The following LSAMP variants were observed in gnomAD, a reference collection of about 807,000 sequenced individuals.
LSAMP encodes the protein limbic system-associated membrane protein.
Under a neutral mutation model 38.6 loss-of-function variants are expected in LSAMP, and 7 were observed. That is an observed-to-expected ratio of 0.18 (90% confidence interval 0.10 to 0.34). The LOEUF is 0.34. LSAMP is among the 10% of genes least tolerant of loss of function. The pLI, the probability that LSAMP is intolerant of heterozygous loss-of-function variation, is 1.00. For missense variants in LSAMP, 313 were observed against 420.0 expected (o/e 0.75, Z 2.23); for synonymous variants, 154 against 166.8 (o/e 0.92, Z 0.59).
intron 3 of LSAMP, among the ~76,000 whole-genome samples, chr3:115,897,111 C>G (rs1044105244): frequency 6.6e-6 from 1 of 152,092 alleles, no homozygotes; most frequent in Non-Finnish European, 1.5e-5. Flanking sequence ...GTGACCCTTA[C>G]CAGAGAATCT....
At chr3:115,951,995 C>T (rs930489061) in intron 3 of LSAMP, among the ~76,000 whole-genome samples, 3 of 152,066 alleles carry the variant, frequency 2.0e-5, no homozygotes, top group African/African-American at 7.2e-5. Flanking sequence ...GAGGGAAATG[C>T]CAGTTAAAAC....
intron 1 of LSAMP, among the ~76,000 whole-genome samples, chr3:116,388,111 G>A (rs1436704363): frequency 6.6e-6 from 1 of 152,054 alleles, no homozygotes; most frequent in African/African-American, 2.4e-5. Flanking sequence ...TAGAGAGAGA[G>A]GGGCATTTTG....
rs547415596 is a variant in LSAMP at position 116,286,890 on chromosome 3, T to TCAAAA, written c.155+157986_155+157987insTTTTG. Among the ~76,000 whole-genome samples, 52 of 145,912 alleles carry TCAAAA rather than the reference T, an allele frequency of 3.6e-4. 1 individual carries two copies. The highest frequency in any genetic ancestry group is 1.3e-3 in the African/African-American group (52 of 39,092). On this transcript the variant is annotated intron_variant, in intron 1 of 6. Transcript: ENST00000490035. ...CATACCATGTGTATTATCTCTCAAG[T>TCAAAA]TAAAAAAAAAAAAAAAAGGTAACTA...
intron 1 of LSAMP, among the ~76,000 whole-genome samples, chr3:116,156,454 C>T (rs1337395797): frequency 6.6e-6 from 1 of 151,974 alleles, no homozygotes; most frequent in African/African-American, 2.4e-5. Flanking sequence ...ATTAGGTGAA[C>T]AGCATGACAT....
At chr3:116,238,521 T>C (rs948569217) in intron 1 of LSAMP, among the ~76,000 whole-genome samples, 1 of 152,232 alleles carries the variant, frequency 6.6e-6, no homozygotes, top group Non-Finnish European at 1.5e-5. Flanking sequence ...TGAGTCCACC[T>C]GTCTGGAACA....
At chr3:115,915,846 T>C (rs1464348327) in intron 3 of LSAMP, among the ~76,000 whole-genome samples, 3 of 152,094 alleles carry the variant, frequency 2.0e-5, no homozygotes, top group Non-Finnish European at 4.4e-5. Flanking sequence ...TTGGCCAGGA[T>C]GGTCTCAATC....
intron 3 of LSAMP, among the ~76,000 whole-genome samples, chr3:115,912,593 C>A (rs1018390943): frequency 6.6e-6 from 1 of 152,174 alleles, no homozygotes; most frequent in African/African-American, 2.4e-5. Context: ...GTCATTGCAG[C>A]CACATGAGTG....
At chr3:116,298,830 G>C (rs892803395) in intron 1 of LSAMP, among the ~76,000 whole-genome samples, 2 of 152,018 alleles carry the variant, frequency 1.3e-5, no homozygotes, top group South Asian at 4.1e-4. Context: ...TAGAGTTTCT[G>C]CTTCTGTGCC....
At chr3:116,041,812 A>C (rs1465760256) in intron 2 of LSAMP, among the ~76,000 whole-genome samples, 3 of 140,154 alleles carry the variant, frequency 2.1e-5, no homozygotes, top group Non-Finnish European at 4.7e-5. Flanking sequence ...AAAACAAAAC[A>C]AAACAAAAAA....
chr3:116,310,575 A>G (rs2107716403), intron 1 of LSAMP, among the ~76,000 whole-genome samples: 2 of 152,310 alleles, frequency 1.3e-5, no homozygotes, highest in Middle Eastern at 3.4e-3. Flanking sequence ...ATTCAGATGC[A>G]GACCTTAAAT....
At chr3:116,050,537 A>AAAT (rs375142654) in intron 2 of LSAMP, among the ~76,000 whole-genome samples, 9,468 of 151,860 alleles carry the variant, frequency 0.062, 951 homozygotes, top group African/African-American at 0.21. Context: ...TAGGGGGAAA[A>AAAT]AAAAAAAGTA....
At chr3:115,818,366 T>TA (rs973847614) in intron 6 of LSAMP, among the ~76,000 whole-genome samples, 1 of 152,156 alleles carries the variant, frequency 6.6e-6, no homozygotes, top group African/African-American at 2.4e-5. Context: ...CATCTTCAGT[T>TA]AAAAAACACT....
intron 1 of LSAMP, among the ~76,000 whole-genome samples, chr3:116,198,712 A>C (rs1371871236): frequency 6.9e-6 from 1 of 145,698 alleles, no homozygotes; most frequent in East Asian, 2.1e-4. Flanking sequence ...CGCAGCTTAT[A>C]GTGAGCCTGG....
At chr3:115,957,827 T>C (rs1318213769) in intron 3 of LSAMP, among the ~76,000 whole-genome samples, 2 of 152,104 alleles carry the variant, frequency 1.3e-5, no homozygotes, top group Non-Finnish European at 2.9e-5. Context: ...TCTCAAACCA[T>C]AGGATTTCCA....
chr3:115,998,318 G>C (rs1939887237), intron 3 of LSAMP, among the ~76,000 whole-genome samples: 1 of 152,100 alleles, frequency 6.6e-6, no homozygotes, highest in African/African-American at 2.4e-5. Context: ...TTTCAAAAAG[G>C]CTCTATCATG....
intron 1 of LSAMP, among the ~76,000 whole-genome samples, chr3:116,172,720 A>C (rs575240311): frequency 1.2e-3 from 180 of 152,072 alleles, no homozygotes; most frequent in Non-Finnish European, 2.2e-3. Flanking sequence ...AAATATAAGC[A>C]CCTAATTTCT....
At chr3:116,002,533 C>T (rs1203213622) in intron 3 of LSAMP, among the ~76,000 whole-genome samples, 1 of 151,868 alleles carries the variant, frequency 6.6e-6, no homozygotes, top group Non-Finnish European at 1.5e-5. Context: ...GCTGGAGGAG[C>T]AGGAAAGCAT....
In LSAMP at chr3:115,818,790, TTATATATA is replaced by T. The variant is rs66654115; in HGVS notation, c.920-8384_920-8377del. Among the ~76,000 whole-genome samples, 128 of 69,764 alleles carry T rather than the reference TTATATATA, an allele frequency of 1.8e-3. 12 individuals carry two copies. Among genetic ancestry groups the T allele is most frequent in the South Asian group, 8.3e-3 (11 of 1,322 alleles). The allele number at this position is 69,764 out of a possible 152,430, so 45.8% of individuals were successfully genotyped here. On this transcript the variant is annotated intron_variant, in intron 6 of 6. Coordinates refer to ENST00000490035, the MANE Select transcript of LSAMP (RefSeq NM_002338.5). ...ATAAGAAAGAAGGAAAGTTGTACTT[TTATATATA>T]TATATATATATATATATATATATAA... is the stretch of plus-strand genomic sequence containing the variant.
chr3:116,092,207 C>CAGTAA (rs1194134886), intron 1 of LSAMP, among the ~76,000 whole-genome samples: 40 of 151,734 alleles, frequency 2.6e-4, no homozygotes, highest in African/African-American at 9.2e-4. Context: ...CTAATAGGTA[C>CAGTAA]AGTAAAGATG....
Sources: gnomAD v4.1 joint callset for allele counts (sites outside exome capture counted in the v4.1 genomes callset) on GRCh38, gnomAD v4.1.1 for gene constraint, MANE v1.5 for transcripts, NCBI Gene and HGNC (gene_info 2026-07-23, HGNC 2026-07-21) for gene names.